Variants in LPGAT1 observed in about 807,000 individuals in gnomAD.
The protein encoded by LPGAT1 is acyl-CoA:lysophosphatidylglycerol acyltransferase 1.
Under a neutral mutation model 47.5 loss-of-function variants are expected in LPGAT1, and 11 were observed. That is an observed-to-expected ratio of 0.23 (90% CI 0.15 to 0.38). The LOEUF (loss-of-function observed/expected upper bound fraction) is 0.38, where lower values mean the gene tolerates loss of function less well. Ranked by LOEUF, LPGAT1 falls within the 10% of genes least tolerant of loss-of-function variation. The pLI is 1.00. For synonymous variants in LPGAT1, 138 were observed against 144.2 expected (o/e 0.96, Z 0.31); for missense variants, 293 against 439.0 (o/e 0.67, Z 2.97).
chr1:211,769,500 G>T (rs1658074904), intron 6 of LPGAT1, among the ~76,000 whole-genome samples: 1 of 152,140 alleles, frequency 6.6e-6, no homozygotes, highest in East Asian at 1.9e-4. Flanking sequence ...TGGATCTCGG[G>T]CAAGAATTCA....
rs1477780731 is a variant in LPGAT1, at chr1:211,745,527, T to G, written c.*4372A>C. 3.3e-5 allele frequency: 5 copies of G among 152,168 alleles called. No homozygotes were observed. The highest frequency in any genetic ancestry group is 2.0e-4 in the Admixed American group (3 of 15,266). The allele number at this position is 152,168 out of a possible 1,614,324, so 9.4% of individuals were successfully genotyped here. ...GCATACTTTGCAACTAGAATACACT[T>G]AAAAAACGTTTGCTCTTTAAACTGT... On this transcript the variant is annotated 3_prime_UTR_variant, in exon 8 of 8. Coordinates refer to ENST00000366997, the MANE Select transcript of LPGAT1 (RefSeq NM_014873.3).
chr1:211,767,494 T>C (rs1657967792), intron 6 of LPGAT1, among the ~76,000 whole-genome samples: 1 of 152,132 alleles, frequency 6.6e-6, no homozygotes, highest in African/African-American at 2.4e-5. Flanking sequence ...GTGTGGAAAA[T>C]AAAAACTTTT....
At chr1:211,756,737 G>T (rs928664181) in intron 6 of LPGAT1, among the ~76,000 whole-genome samples, 2 of 152,136 alleles carry the variant, frequency 1.3e-5, no homozygotes, top group African/African-American at 4.8e-5. Context: ...GTAATTTAAA[G>T]ATCTCTTTCA....
At chr1:211,823,461 T>G (rs893644738) in intron 2 of LPGAT1, among the ~76,000 whole-genome samples, 8 of 152,270 alleles carry the variant, frequency 5.3e-5, no homozygotes, top group African/African-American at 1.9e-4. Flanking sequence ...CTACCACTGA[T>G]GCTAGATCAG....
Position 211,750,057 on chromosome 1 carries a change from G to A in LPGAT1, c.962-7C>T, listed in dbSNP as rs1011634483. The A allele has an allele frequency of 3.7e-6, 6 of 1,609,642 alleles. No homozygotes were observed. The highest frequency in any genetic ancestry group is 5.1e-6 in the Non-Finnish European group (6 of 1,178,652). On this transcript the variant is annotated splice_polypyrimidine_tract_variant and splice_region_variant and intron_variant, in intron 7 of 7. Coordinates refer to ENST00000366997, the MANE Select transcript of LPGAT1 (RefSeq NM_014873.3). ...TTGGAAGGTGGAAAAGCTCCTAAAA[G>A]ACAAGATAGAAATATTAGTTTGTTT... is the stretch of plus-strand genomic sequence containing the variant.
rs1310351559 is a variant in LPGAT1, at chr1:211,747,247, G to A, written c.*2652C>T. 1.3e-5 allele frequency: 2 copies of A among 152,126 alleles called. No homozygotes were observed. The highest frequency in any genetic ancestry group is 4.8e-5 in the African/African-American group (2 of 41,422). The allele number at this position is 152,126 out of a possible 1,614,324, so 9.4% of individuals were successfully genotyped here. A position where few individuals can be genotyped will look rare whatever the true frequency, so the allele number is the denominator to read the frequency against. On this transcript the variant is annotated 3_prime_UTR_variant, in exon 8 of 8. Coordinates refer to ENST00000366997, the MANE Select transcript of LPGAT1 (RefSeq NM_014873.3). ...AGAACTCCAGTTACTGATAAGGAAAGCACTACCAATGCTTTCAAACATATT... is the reference window on the plus strand; with the variant it reads ...AGAACTCCAGTTACTGATAAGGAAAACACTACCAATGCTTTCAAACATATT...
At chr1:211,762,901 C>T (rs531309806) in intron 6 of LPGAT1, among the ~76,000 whole-genome samples, 63 of 152,130 alleles carry the variant, frequency 4.1e-4, no homozygotes, top group Non-Finnish European at 5.4e-4. Flanking sequence ...ATGGCTAAAC[C>T]CTCAATTCAA....
chr1:211,813,362 TA>T (rs1334916042), intron 2 of LPGAT1, among the ~76,000 whole-genome samples: 1 of 152,206 alleles, frequency 6.6e-6, no homozygotes, highest in Non-Finnish European at 1.5e-5. Flanking sequence ...TTTATGCTTA[TA>T]AATACGTATG....
At chr1:211,818,089 C>T (rs979768305) in intron 2 of LPGAT1, among the ~76,000 whole-genome samples, 1 of 152,154 alleles carries the variant, frequency 6.6e-6, no homozygotes, top group African/African-American at 2.4e-5. Flanking sequence ...CCCGCCTTGG[C>T]CTTCCGAAGT....
At chr1:211,809,965 T>C (rs1659908476) in intron 2 of LPGAT1, among the ~76,000 whole-genome samples, 1 of 152,178 alleles carries the variant, frequency 6.6e-6, no homozygotes, top group South Asian at 2.1e-4. Context: ...AATACCTCTC[T>C]GTTTTGCTAA....
chr1:211,814,474 TC>T (rs532257740), intron 2 of LPGAT1, among the ~76,000 whole-genome samples: 348 of 152,240 alleles, frequency 2.3e-3, no homozygotes, highest in African/African-American at 8.0e-3. Flanking sequence ...CAGGACCAGA[TC>T]CATGGGGGCT....
intron 2 of LPGAT1, 79 bp downstream of exon 2, chr1:211,828,980 C>A: frequency 7.0e-7 from 1 of 1,437,870 alleles, no homozygotes; most frequent in Non-Finnish European, 9.5e-7. Context: ...CATCCTCAAC[C>A]CAAAGTGTAA....
At position 211,793,831 on chromosome 1, in the gene LPGAT1, C is replaced by T. The variant is rs538334751; in HGVS notation, c.239-641G>A. 1.1e-3 allele frequency among the ~76,000 whole-genome samples: 175 copies of T among 152,266 alleles called. 1 individual carries two copies. Among genetic ancestry groups the T allele is most frequent in the South Asian group, 1.9e-3 (9 of 4,824 alleles). On this transcript the variant is annotated intron_variant, in intron 2 of 7. Transcript: ENST00000366997. ...ATATATGTATAAAGAATGTTTATCA[C>T]AACTTAAATGTTCACCAACAAGGGA... is the stretch of plus-strand genomic sequence containing the variant.
Position 211,747,797 on chromosome 1 carries a change from T to C in LPGAT1, c.*2102A>G, listed in dbSNP as rs1657002059. On this transcript the variant is annotated 3_prime_UTR_variant, in exon 8 of 8. Coordinates refer to ENST00000366997, the MANE Select transcript of LPGAT1 (RefSeq NM_014873.3). ...TTCTGTCATCATCCATACCTCTAAA[T>C]TGAGATTGGTTTCATTTATTCACCG... 6.6e-6 allele frequency: 1 copy of C among 152,532 alleles called. No homozygotes were observed. The highest frequency in any genetic ancestry group is 1.9e-4 in the East Asian group (1 of 5,202). The allele number at this position is 152,532 out of a possible 1,614,324, so 9.4% of individuals were successfully genotyped here.
intron 2 of LPGAT1, among the ~76,000 whole-genome samples, chr1:211,819,598 G>A (rs910033682): frequency 2.6e-5 from 4 of 152,180 alleles, no homozygotes; most frequent in Non-Finnish European, 2.9e-5. Flanking sequence ...ATGCTGGGGT[G>A]GAGAGCAGCT....
chr1:211,787,855 C>T, intron 3 of LPGAT1, 128 bp from the exon 4 acceptor site: 1 of 559,262 alleles, frequency 1.8e-6, no homozygotes, highest in Non-Finnish European at 3.1e-6. Flanking sequence ...TTAAGTCTAA[C>T]TCTATTTCTA....
At chr1:211,797,307 T>G (rs1209376526) in intron 2 of LPGAT1, among the ~76,000 whole-genome samples, 1 of 118,914 alleles carries the variant, frequency 8.4e-6, no homozygotes, top group East Asian at 2.0e-4. Flanking sequence ...TTTTCTTTCC[T>G]TTTCTTTTTT....
intron 6 of LPGAT1, among the ~76,000 whole-genome samples, chr1:211,751,764 T>A (rs1657196254): frequency 6.6e-6 from 1 of 152,152 alleles, no homozygotes; most frequent in African/African-American, 2.4e-5. Flanking sequence ...GGATTTTTTG[T>A]CCCCTTTATC....
chr1:211,790,561 C>T (rs1209759865), intron 3 of LPGAT1, among the ~76,000 whole-genome samples: 1 of 152,134 alleles, frequency 6.6e-6, no homozygotes, highest in Admixed American at 6.5e-5. Flanking sequence ...CCCTTATATT[C>T]TGTTACTCCT....
Sources: allele counts gnomAD v4.1 joint callset (sites outside exome capture counted in the v4.1 genomes callset), GRCh38; gene constraint gnomAD v4.1.1; transcripts MANE v1.5; gene names NCBI Gene and HGNC (gene_info 2026-07-23, HGNC 2026-07-21).